The following FOCAD variants were observed in gnomAD, a reference collection of about 807,000 sequenced individuals.
The protein encoded by FOCAD is KIAA1797.
FOCAD carries 198 observed loss-of-function variants against 225.6 expected under a neutral mutation model. The ratio of observed to expected loss-of-function variants is 0.88; its 90% CI spans 0.78 to 0.99. The LOEUF (loss-of-function observed/expected upper bound fraction) is 0.99, where lower values mean the gene tolerates loss of function less well. FOCAD is among the 50% of genes least tolerant of loss of function. The pLI is 0.00. For synonymous variants in FOCAD, 897 were observed against 755.0 expected, an observed-to-expected ratio of 1.19 and a Z score of -3.08; for missense variants, 2,713 against 2,123.6, an observed-to-expected ratio of 1.28 and a Z score of -5.46.
chr9:20,656,284 C>G (rs1821473402), upstream of FOCAD, among the ~76,000 whole-genome samples: 1 of 151,662 alleles, frequency 6.6e-6, no homozygotes, highest in Non-Finnish European at 1.5e-5. Context: ...CTGTAGATGT[C>G]TATTAGGTCT....
intron 16 of FOCAD, 81 bp from the exon 17 acceptor site, chr9:20,865,845 C>T: frequency 2.1e-6 from 2 of 950,654 alleles, no homozygotes; most frequent in East Asian, 2.6e-5. Flanking sequence ...ACTTAATTTT[C>T]ATTATTTGCT....
At chr9:20,844,062 A>C (rs1415599984) in intron 15 of FOCAD, among the ~76,000 whole-genome samples, 4 of 152,126 alleles carry the variant, frequency 2.6e-5, no homozygotes, top group Admixed American at 2.0e-4. Flanking sequence ...TAGAGTTACT[A>C]TATGACCCAA....
intron 5 of FOCAD, among the ~76,000 whole-genome samples, chr9:20,742,666 G>C (rs138370873): frequency 6.6e-6 from 1 of 152,306 alleles, no homozygotes; most frequent in East Asian, 1.9e-4. Flanking sequence ...GAGAATTTGG[G>C]TTACTCTCAT....
chr9:20,932,504 A>C (rs191469880), intron 27 of FOCAD, among the ~76,000 whole-genome samples: 2 of 152,300 alleles, frequency 1.3e-5, no homozygotes, highest in East Asian at 3.9e-4. Flanking sequence ...AATGTAAACA[A>C]ATATAGGTCT....
At chr9:20,714,480 C>G (rs966363638) in intron 1 of FOCAD, among the ~76,000 whole-genome samples, 3 of 151,850 alleles carry the variant, frequency 2.0e-5, no homozygotes, top group Non-Finnish European at 2.9e-5. Context: ...CCCTGTTTTT[C>G]AAAATAATGT....
At chr9:20,765,743 AT>A (rs1223186881) in intron 7 of FOCAD, among the ~76,000 whole-genome samples, 5 of 152,212 alleles carry the variant, frequency 3.3e-5, no homozygotes, top group Non-Finnish European at 5.9e-5. Flanking sequence ...ATGAAAAAAA[AT>A]CCAGTTGCCC....
At chr9:20,990,546 G>C (rs897733603) in intron 42 of FOCAD, among the ~76,000 whole-genome samples, 172 bp downstream of exon 42, 2 of 152,234 alleles carry the variant, frequency 1.3e-5, no homozygotes, top group Non-Finnish European at 2.9e-5. Context: ...GCTAGCCCAG[G>C]CTCGGGGCAA....
chr9:20,986,266 A>ATGTTTTTTTTTTT, intron 39 of FOCAD, 22 bp from the exon 40 acceptor site: 1 of 705,684 alleles, frequency 1.4e-6, no homozygotes, highest in Non-Finnish European at 1.8e-6. Flanking sequence ...TAACTAAACA[A>ATGTTTTTTTTTTT]TTTTTTTTTT....
chr9:20,965,032 T>C (rs1402462698), intron 35 of FOCAD, among the ~76,000 whole-genome samples: 1 of 152,124 alleles, frequency 6.6e-6, no homozygotes, highest in Non-Finnish European at 1.5e-5. Flanking sequence ...TTTATATTCA[T>C]CAACATATAA....
intron 7 of FOCAD, among the ~76,000 whole-genome samples, chr9:20,769,618 C>T (rs138343360): frequency 5.9e-5 from 9 of 152,296 alleles, no homozygotes; most frequent in East Asian, 1.9e-4. Flanking sequence ...GGCTTAGTAC[C>T]GTGTTAGAAT....
At chr9:20,828,988 T>C (rs1380692896) in intron 15 of FOCAD, among the ~76,000 whole-genome samples, 1 of 152,198 alleles carries the variant, frequency 6.6e-6, no homozygotes, top group African/African-American at 2.4e-5. Flanking sequence ...TATGGCTGCA[T>C]AGTATTCCAT....
intron 5 of FOCAD, among the ~76,000 whole-genome samples, chr9:20,756,707 A>C (rs1319371045): frequency 6.6e-6 from 1 of 152,190 alleles, no homozygotes; most frequent in Non-Finnish European, 1.5e-5. Flanking sequence ...ATTTCTAACA[A>C]GTTCCCAGTT....
intron 28 of FOCAD, among the ~76,000 whole-genome samples, chr9:20,936,360 G>GGT (rs903809719): frequency 1.3e-5 from 2 of 152,184 alleles, no homozygotes; most frequent in African/African-American, 4.8e-5. Flanking sequence ...TAAATGATAT[G>GGT]GTAGTGGTAG....
chr9:20,917,549 C>G (rs1240397250), intron 24 of FOCAD, among the ~76,000 whole-genome samples: 2 of 152,092 alleles, frequency 1.3e-5, no homozygotes, highest in African/African-American at 4.8e-5. Flanking sequence ...TGTCAACTGA[C>G]AAGCTGACTA....
chr9:20,852,204 A>G (rs1349350226), intron 15 of FOCAD, among the ~76,000 whole-genome samples: 1 of 151,812 alleles, frequency 6.6e-6, no homozygotes, highest in Admixed American at 6.6e-5. Context: ...AGCACTGAAG[A>G]GCAAAGTAAT....
chr9:20,717,751 A>T, intron 2 of FOCAD, 43 bp from the exon 3 acceptor site: 1 of 1,477,354 alleles, frequency 6.8e-7, no homozygotes, highest in Admixed American at 1.8e-5. Context: ...ATTTGGAAAG[A>T]ACTTCTAAGG....
intron 11 of FOCAD, among the ~76,000 whole-genome samples, chr9:20,795,122 G>A (rs1358604275): frequency 6.6e-6 from 1 of 152,166 alleles, no homozygotes; most frequent in Non-Finnish European, 1.5e-5. Context: ...GTGAATAGTT[G>A]TAATATGATA....
chr9:20,994,001 C>G (rs1034912226), intron 43 of FOCAD, among the ~76,000 whole-genome samples: 18 of 152,138 alleles, frequency 1.2e-4, no homozygotes, highest in Admixed American at 4.6e-4. Flanking sequence ...TTTCCTGCTT[C>G]TGTGTGTGTT....
At chr9:20,864,244 A>G (rs11791813) in intron 16 of FOCAD, among the ~76,000 whole-genome samples, 24 of 152,136 alleles carry the variant, frequency 1.6e-4, no homozygotes, top group Non-Finnish European at 2.5e-4. Flanking sequence ...AGTGCTTCTT[A>G]AGTCATTTCT....
Sources: allele counts gnomAD v4.1 joint callset (sites outside exome capture counted in the v4.1 genomes callset), GRCh38; gene constraint gnomAD v4.1.1; transcripts MANE v1.5; gene names NCBI Gene and HGNC (gene_info 2026-07-23, HGNC 2026-07-21).